The following ANKS1B variants were observed in gnomAD, a reference collection of about 807,000 sequenced individuals.
ANKS1B encodes ankyrin repeat and sterile alpha motif domain containing 1B.
Under a neutral mutation model 148.3 loss-of-function variants are expected in ANKS1B, and 36 were observed. The ratio of observed to expected loss-of-function variants is 0.24; its 90% confidence interval spans 0.19 to 0.32. The LOEUF (loss-of-function observed/expected upper bound fraction) is 0.32, where lower values mean the gene tolerates loss of function less well. Among genes scored for constraint, ANKS1B ranks in the 10% least tolerant of loss-of-function variants. The pLI is 1.00. For synonymous variants in ANKS1B, 542 were observed against 560.8 expected, an observed-to-expected ratio of 0.97 and a Z score of 0.47; for missense variants, 1,157 against 1,542.6, an observed-to-expected ratio of 0.75 and a Z score of 4.19.
chr12:99,825,199 C>T (rs2153683096), intron 2 of ANKS1B, 110 bp downstream of exon 2: 1 of 882,616 alleles, frequency 1.1e-6, no homozygotes, highest in Non-Finnish European at 1.8e-6. Context: ...TCCAAATTCA[C>T]CTAAGCCCAT....
At chr12:98,887,442 C>T (rs199590625) in intron 17 of ANKS1B, among the ~76,000 whole-genome samples, 1 of 152,066 alleles carries the variant, frequency 6.6e-6, no homozygotes, top group Non-Finnish European at 1.5e-5. Context: ...AATTATATAA[C>T]CTTCCCACAG....
chr12:99,081,250 A>G (rs1418616852), intron 16 of ANKS1B, among the ~76,000 whole-genome samples: 18 of 150,150 alleles, frequency 1.2e-4, no homozygotes, highest in Admixed American at 1.2e-3. Context: ...ACACATCAAG[A>G]TTGTACTGAG....
chr12:98,873,339 C>T lies in ANKS1B; in HGVS notation c.2779-41203G>A, dbSNP rs900336628. ...TCATGTATTTGACACCTAAGACTTA[C>T]TCGTTAAGTGTTTGTTGAATGAATG... On this transcript the variant is annotated intron_variant, in intron 17 of 26. Transcript: ENST00000683438. 1.7e-4 allele frequency among the ~76,000 whole-genome samples: 26 copies of T among 152,178 alleles called. 1 individual carries two copies. The highest frequency in any genetic ancestry group is 1.7e-3 in the Admixed American group (26 of 15,274).
rs79545257 is a variant in ANKS1B, at chr12:98,910,366, T to A, written c.2779-78230A>T. ...GCTTTTGTTGAGGATGATATAGTGA[T>A]ATTTAAAACAGAAATAATAAACAAG... On this transcript the variant is annotated intron_variant, in intron 17 of 26. Coordinates refer to ENST00000683438, the MANE Select transcript of ANKS1B (RefSeq NM_001352186.2). 6.6e-3 allele frequency among the ~76,000 whole-genome samples: 1,012 copies of A among 152,308 alleles called. 7 individuals are homozygous for A. The highest frequency in any genetic ancestry group is 0.01 in the Non-Finnish European group (698 of 68,028).
intron 14 of ANKS1B, chr12:99,154,958 C>G (rs1298614029): frequency 6.5e-7 from 1 of 1,535,318 alleles, no homozygotes; most frequent in Non-Finnish European, 8.7e-7. Context: ...GCTGCTGCTT[C>G]CTCCTACACA....
downstream of ANKS1B, among the ~76,000 whole-genome samples, chr12:98,743,572 C>T (rs544413627): frequency 3.9e-5 from 6 of 152,238 alleles, no homozygotes; most frequent in Admixed American, 6.5e-5. Context: ...TTCCTTTTCC[C>T]GTCCCTGCTC....
intron 12 of ANKS1B, among the ~76,000 whole-genome samples, chr12:99,395,287 C>G (rs1001040445): frequency 2.6e-5 from 4 of 152,164 alleles, no homozygotes; most frequent in South Asian, 2.1e-4. Flanking sequence ...TCTGAAAGAA[C>G]TGAATAGGCT....
chr12:99,707,144 C>T (rs2055928872), intron 8 of ANKS1B, among the ~76,000 whole-genome samples: 1 of 152,138 alleles, frequency 6.6e-6, no homozygotes, highest in Non-Finnish European at 1.5e-5. Context: ...TTGAGCACCT[C>T]TCCAACTCAG....
At chr12:99,806,821 C>T in intron 3 of ANKS1B, 121 bp from the exon 4 acceptor site, 1 of 981,186 alleles carries the variant, frequency 1.0e-6, no homozygotes, top group Non-Finnish European at 1.5e-6. Context: ...TCCATTTTAA[C>T]AAGTATGCCT....
rs562817877 is a variant in ANKS1B at position 99,061,485 on chromosome 12, C to T, written c.2626-8176G>A. Among the ~76,000 whole-genome samples, 6 of 152,300 alleles carry T rather than the reference C, an allele frequency of 3.9e-5. No individual in the cohort carries two copies. In the East Asian group the frequency reaches 1.2e-3, roughly 29 times the overall value. On this transcript the variant is annotated intron_variant, in intron 16 of 26. Transcript: ENST00000683438. Reference sequence around the variant, plus strand: ...ATTTCTAACCAGCTTCCTGGTGATGCTAATGCTGTCAGCCCATGAACCACA... The same window carrying T: ...ATTTCTAACCAGCTTCCTGGTGATGTTAATGCTGTCAGCCCATGAACCACA...
intron 12 of ANKS1B, among the ~76,000 whole-genome samples, chr12:99,384,481 A>G (rs1411378255): frequency 6.6e-6 from 1 of 152,196 alleles, no homozygotes; most frequent in Non-Finnish European, 1.5e-5. Context: ...GAAAAATAGA[A>G]GAATCTCTGA....
intron 8 of ANKS1B, among the ~76,000 whole-genome samples, chr12:99,765,216 G>A (rs1221826212): frequency 1.3e-5 from 2 of 152,180 alleles, no homozygotes; most frequent in Non-Finnish European, 2.9e-5. Context: ...TGGGATTGTT[G>A]TCAGGAATAA....
chr12:99,185,722 G>A (rs1238155596), intron 14 of ANKS1B, among the ~76,000 whole-genome samples: 1 of 152,174 alleles, frequency 6.6e-6, no homozygotes, highest in Admixed American at 6.5e-5. Context: ...CAGATACTAC[G>A]CTTTTCCCAT....
intron 17 of ANKS1B, among the ~76,000 whole-genome samples, chr12:98,874,947 T>C (rs2099684166): frequency 1.3e-5 from 2 of 152,218 alleles, no homozygotes; most frequent in South Asian, 4.1e-4. Context: ...CTAATTTTAC[T>C]CCTCTTTGAA....
intron 1 of ANKS1B, among the ~76,000 whole-genome samples, chr12:99,896,704 G>A (rs2093400534): frequency 6.6e-6 from 1 of 151,052 alleles, no homozygotes; most frequent in Non-Finnish European, 1.5e-5. Flanking sequence ...TACATTTCAG[G>A]CCTTTGTGGT....
Position 99,309,482 on chromosome 12 carries a change from C to G in ANKS1B, c.1757-62618G>C, listed in dbSNP as rs78082360. Among the ~76,000 whole-genome samples, 269 of 151,932 alleles carry G rather than the reference C, an allele frequency of 1.8e-3. 6 individuals are homozygous for G. In the East Asian group the frequency reaches 0.045, roughly 26 times the overall value. On this transcript the variant is annotated intron_variant, in intron 12 of 26. Transcript: ENST00000683438. Reference sequence around the variant, plus strand: ...TATTATCAGCTGAAAGTCATGCTTGCCAAGGATTTTCAAGGTTAAAAATCA... The same window carrying G: ...TATTATCAGCTGAAAGTCATGCTTGGCAAGGATTTTCAAGGTTAAAAATCA...
At chr12:99,292,512 C>T (rs2080156912) in intron 12 of ANKS1B, among the ~76,000 whole-genome samples, 1 of 136,916 alleles carries the variant, frequency 7.3e-6, no homozygotes, top group African/African-American at 3.2e-5. Context: ...AAGACTCCAT[C>T]TCAAAAAAAA....
intron 11 of ANKS1B, among the ~76,000 whole-genome samples, chr12:99,426,005 T>C (rs145794735): frequency 1.3e-5 from 2 of 152,314 alleles, no homozygotes; most frequent in African/African-American, 4.8e-5. Context: ...TTCGAAATAT[T>C]GACAGTGTGT....
chr12:99,161,430 G>A (rs1322762929), intron 14 of ANKS1B, among the ~76,000 whole-genome samples: 1 of 152,106 alleles, frequency 6.6e-6, no homozygotes, highest in Non-Finnish European at 1.5e-5. Context: ...TCGGGAGGCT[G>A]AGATGGGAGG....
Sources: allele counts gnomAD v4.1 joint callset (sites outside exome capture counted in the v4.1 genomes callset), GRCh38; gene constraint gnomAD v4.1.1; transcripts MANE v1.5; gene names NCBI Gene and HGNC (gene_info 2026-07-23, HGNC 2026-07-21).